The following MTCL2 variants were observed in gnomAD, a reference collection of about 807,000 sequenced individuals.
MTCL2 encodes microtubule cross-linking factor 2.
the MTCL2 span, chr20:36,808,399 T>C: frequency 1.3e-5 from 10 of 797,110 alleles, no homozygotes; most frequent in East Asian, 2.7e-4. Flanking sequence ...GAAGCCTGCA[T>C]GCTGATGGCA....
chr20:36,782,709 AC>A, the MTCL2 span: 1 of 151,864 alleles, frequency 6.6e-6, no homozygotes, highest in Non-Finnish European at 1.5e-5. Flanking sequence ...AATTTTTTGT[AC>A]TTTTAGTACA....
the MTCL2 span, among the ~76,000 whole-genome samples, chr20:36,841,046 G>A: frequency 2.0e-5 from 3 of 149,228 alleles, no homozygotes; most frequent in Non-Finnish European, 3.0e-5. Flanking sequence ...GCAGTGGCTC[G>A]CACCTCTAAT....
At chr20:36,811,659 C>T in the MTCL2 span, among the ~76,000 whole-genome samples, 35 of 152,094 alleles carry the variant, frequency 2.3e-4, no homozygotes, top group African/African-American at 8.4e-4. Context: ...AAGAATAGGC[C>T]TATTTCCTTT....
At chr20:36,782,427 G>A in the MTCL2 span, 1 of 152,246 alleles carries the variant, frequency 6.6e-6, no homozygotes, top group Non-Finnish European at 1.5e-5. Flanking sequence ...GCTCTGGGAT[G>A]AGACCTGTAC....
the MTCL2 span, among the ~76,000 whole-genome samples, chr20:36,790,284 C>T: frequency 6.5e-3 from 981 of 151,988 alleles, 13 homozygotes; most frequent in African/African-American, 0.022. Context: ...AGCCACTGCG[C>T]CCGGCCAATT....
the MTCL2 span, among the ~76,000 whole-genome samples, chr20:36,788,806 C>CTTTT: frequency 2.1e-5 from 3 of 142,568 alleles, no homozygotes; most frequent in Non-Finnish European, 3.0e-5. Flanking sequence ...CTTTTCTTTT[C>CTTTT]TTTTTTTTTT....
At chr20:36,823,734 G>A in the MTCL2 span, among the ~76,000 whole-genome samples, 2 of 152,126 alleles carry the variant, frequency 1.3e-5, no homozygotes, top group Non-Finnish European at 2.9e-5. Flanking sequence ...CTTGAGCCCG[G>A]AAGTTTGAGG....
the MTCL2 span, among the ~76,000 whole-genome samples, chr20:36,799,456 C>T: frequency 6.6e-5 from 10 of 152,070 alleles, no homozygotes; most frequent in African/African-American, 2.2e-4. Context: ...CGCGCCATTG[C>T]ACTCTAGTCT....
the MTCL2 span, among the ~76,000 whole-genome samples, chr20:36,834,018 A>C: frequency 1.3e-5 from 2 of 152,022 alleles, no homozygotes; most frequent in African/African-American, 2.4e-5. Flanking sequence ...TACAAAAATT[A>C]GCTGGGTATG....
the MTCL2 span, among the ~76,000 whole-genome samples, chr20:36,842,071 C>T: frequency 2.0e-5 from 3 of 152,122 alleles, no homozygotes; most frequent in South Asian, 6.2e-4. Flanking sequence ...AGTATGACCT[C>T]ACTTCCTGAA....
At chr20:36,849,165 G>A in the MTCL2 span, among the ~76,000 whole-genome samples, 1 of 142,222 alleles carries the variant, frequency 7.0e-6, no homozygotes, top group Non-Finnish European at 1.5e-5. Context: ...GGGTTCAAAC[G>A]ATTCTCCCAC....
At chr20:36,857,337 T>C in the MTCL2 span, among the ~76,000 whole-genome samples, 11 of 152,054 alleles carry the variant, frequency 7.2e-5, no homozygotes, top group African/African-American at 2.7e-4. Flanking sequence ...TGTTTGGTGA[T>C]GTGTGCGTGT....
the MTCL2 span, chr20:36,816,393 G>A: frequency 3.4e-6 from 4 of 1,178,398 alleles, no homozygotes; most frequent in Non-Finnish European, 3.6e-6. Flanking sequence ...AGCACTATGT[G>A]CTGGGAACAC....
the MTCL2 span, among the ~76,000 whole-genome samples, chr20:36,836,341 A>ATTTTTTT: frequency 1.2e-5 from 1 of 85,406 alleles, no homozygotes; most frequent in Non-Finnish European, 2.2e-5. Context: ...CGCCCAGCTA[A>ATTTTTTT]TTTTTTTTTT....
chr20:36,806,314 G>C, the MTCL2 span, among the ~76,000 whole-genome samples: 5 of 152,288 alleles, frequency 3.3e-5, no homozygotes, highest in South Asian at 1.0e-3. Context: ...AAGGAGATCA[G>C]GGACCTAGTT....
the MTCL2 span, chr20:36,781,968 G>C: frequency 6.6e-6 from 1 of 152,224 alleles, no homozygotes; most frequent in Non-Finnish European, 1.5e-5. Context: ...CTCCCAAGTA[G>C]CTGGGATTAC....
chr20:36,828,269 G>C, the MTCL2 span, among the ~76,000 whole-genome samples: 5 of 152,202 alleles, frequency 3.3e-5, no homozygotes, highest in Non-Finnish European at 7.4e-5. Context: ...CTAGGCTGAT[G>C]GTTTCTAGCC....
chr20:36,787,444 A>G, the MTCL2 span, among the ~76,000 whole-genome samples: 1 of 151,854 alleles, frequency 6.6e-6, no homozygotes, highest in East Asian at 1.9e-4. Flanking sequence ...GTCAGGCTCA[A>G]ACTCCTGACC....
the MTCL2 span, among the ~76,000 whole-genome samples, chr20:36,804,265 C>T: frequency 6.6e-6 from 1 of 152,150 alleles, no homozygotes; most frequent in Non-Finnish European, 1.5e-5. Flanking sequence ...TCTCACTTTT[C>T]AGGCCAAAGG....
Sources: gnomAD v4.1 joint callset for allele counts (sites outside exome capture counted in the v4.1 genomes callset) on GRCh38, gnomAD v4.1.1 for gene constraint, MANE v1.5 for transcripts, NCBI Gene and HGNC (gene_info 2026-07-23, HGNC 2026-07-21) for gene names.